ZFHX4: variants seen among roughly 807,000 people sequenced by gnomAD.
The protein encoded by ZFHX4 is zinc finger homeobox protein 4.
A neutral mutation model predicts 267.6 loss-of-function variants in ZFHX4; 56 were observed. The ratio of observed to expected loss-of-function variants is 0.21; its 90% CI spans 0.17 to 0.26. The LOEUF is 0.26. Among genes scored for constraint, ZFHX4 ranks in the 10% least tolerant of loss-of-function variants. The pLI, the probability that ZFHX4 is intolerant of heterozygous loss-of-function variation, is 1.00. For missense variants in ZFHX4, 4,332 were observed against 4,420.0 expected (o/e 0.98, Z 0.56); for synonymous variants, 1,778 against 1,665.6 (o/e 1.07, Z -1.64).
intron 3 of ZFHX4, among the ~76,000 whole-genome samples, chr8:76,775,869 A>T (rs1810386805): frequency 6.6e-6 from 1 of 150,428 alleles, no homozygotes; most frequent in South Asian, 2.1e-4. Flanking sequence ...CAGGGTGAAG[A>T]TGGGTTGGTG....
chr8:76,688,496 G>A (rs958677726), intron 1 of ZFHX4, among the ~76,000 whole-genome samples: 1 of 152,012 alleles, frequency 6.6e-6, no homozygotes, highest in Non-Finnish European at 1.5e-5. Flanking sequence ...ATTTTATTTA[G>A]AGATAAGTCT....
chr8:76,721,335 A>T lies in ZFHX4; in HGVS notation c.3093+13287A>T, dbSNP rs139940063. 8.5e-5 allele frequency among the ~76,000 whole-genome samples: 13 copies of T among 152,304 alleles called. 1 individual carries two copies. Among genetic ancestry groups the T allele is most frequent in the Middle Eastern group, 3.4e-3 (1 of 294 alleles). ...GAATGAAAAAATTGGTACATTTATGACAGCTTAAATCTACTTAAGTATATG... is the reference window on the plus strand; with the variant it reads ...GAATGAAAAAATTGGTACATTTATGTCAGCTTAAATCTACTTAAGTATATG... On this transcript the variant is annotated intron_variant, in intron 3 of 10. Coordinates refer to ENST00000651372, the MANE Select transcript of ZFHX4 (RefSeq NM_024721.5).
At chr8:76,740,459 A>G (rs1452125809) in intron 3 of ZFHX4, among the ~76,000 whole-genome samples, 2 of 152,016 alleles carry the variant, frequency 1.3e-5, no homozygotes. Flanking sequence ...TAACTCATGT[A>G]ACCAAATACA....
chr8:76,771,869 T>C (rs924521614), intron 3 of ZFHX4, among the ~76,000 whole-genome samples: 1 of 152,144 alleles, frequency 6.6e-6, no homozygotes, highest in Non-Finnish European at 1.5e-5. Flanking sequence ...AATTTAGATG[T>C]AGATAGTAGG....
At chr8:76,724,046 T>C (rs986340098) in intron 3 of ZFHX4, among the ~76,000 whole-genome samples, 5 of 152,050 alleles carry the variant, frequency 3.3e-5, no homozygotes, top group Non-Finnish European at 7.4e-5. Context: ...TTTGCAGTCG[T>C]GAAAGGATTA....
At position 76,854,302 on chromosome 8, in the gene ZFHX4, A is replaced by G. The variant is rs1325988720; in HGVS notation, c.7381A>G (p.Arg2461Gly). ...QPPKQPQLIG[R>G]PPSASQTPVP... is the part of the protein sequence containing the mutation. Reference sequence around the variant, plus strand: ...ACCAAAACAACCCCAACTTATCGGAAGACCTCCCTCGGCCTCTCAAACACC... The same window carrying G: ...ACCAAAACAACCCCAACTTATCGGAGGACCTCCCTCGGCCTCTCAAACACC... The change falls in exon 10 of 11, where the codon AGA becomes GGA. Residue 2461 changes from arginine to glycine, a missense_variant. Arg to Gly is a moderately radical substitution (Grantham distance 125). This residue lies in a region of ZFHX4 where 1,648 missense variants were observed against 1,625.0 expected (regional missense o/e 1.01). Coordinates refer to ENST00000651372, the MANE Select transcript of ZFHX4 (RefSeq NM_024721.5). 6.2e-7 allele frequency: 1 copy of G among 1,610,746 alleles called. No homozygotes were observed. The highest frequency in any genetic ancestry group is 2.2e-5 in the East Asian group (1 of 44,700).
chr8:76,851,035 G>A lies in ZFHX4; in HGVS notation c.4114G>A (p.Asp1372Asn), dbSNP rs758151619. Residue 1372 changes from aspartate to asparagine, a missense_variant, in exon 10 of 11, where the codon GAC becomes AAC. Physicochemically the swap from Asp to Asn is conservative, Grantham distance 23. Transcript: ENST00000651372. ...TAGCAGTAAGGATGTGAAAATCCCC[G>A]ACACACTGCAAGATCAATTAAATGA... ...KNSSKDVKIPDTLQDQLNEQQ... is the reference protein window; with the variant it reads ...KNSSKDVKIPNTLQDQLNEQQ... The A allele has an allele frequency of 2.5e-5, 41 of 1,613,778 alleles. No homozygotes were observed. The highest frequency in any genetic ancestry group is 6.7e-5 in the East Asian group (3 of 44,876).
intron 4 of ZFHX4, among the ~76,000 whole-genome samples, chr8:76,804,599 G>A: frequency 6.6e-6 from 1 of 152,002 alleles, no homozygotes; most frequent in East Asian, 1.9e-4. Flanking sequence ...CTTTAAAAAG[G>A]AAATGTGAGT....
rs112761824 is a variant in ZFHX4, at chr8:76,716,007, C to T, written c.3093+7959C>T. On this transcript the variant is annotated intron_variant, in intron 3 of 10. Coordinates refer to ENST00000651372, the MANE Select transcript of ZFHX4 (RefSeq NM_024721.5). The stretch of plus-strand genomic sequence containing the variant: ...TATGATTGAAGAACTATTTGTTCCT[C>T]GATATCTGCTAATAAAATTATTGGA... Among the ~76,000 whole-genome samples the T allele has an allele frequency of 5.4e-3, 821 of 152,138 alleles. 13 individuals carry two copies. The highest frequency in any genetic ancestry group is 0.019 in the African/African-American group (768 of 41,500).
chr8:76,682,280 T>C (rs1286048130), intron 1 of ZFHX4, among the ~76,000 whole-genome samples: 1 of 152,116 alleles, frequency 6.6e-6, no homozygotes, highest in Non-Finnish European at 1.5e-5. Context: ...TTCTTCCTCC[T>C]TTTACCACCC....
chr8:76,719,771 G>A (rs982832885), intron 3 of ZFHX4, among the ~76,000 whole-genome samples: 1 of 152,062 alleles, frequency 6.6e-6, no homozygotes, highest in African/African-American at 2.4e-5. Context: ...TAAACTGACC[G>A]ACTGTCAGAT....
In ZFHX4 at chr8:76,856,315, G is replaced by A. The variant is rs753217592; in HGVS notation, c.9379+15G>A. ...AAATTCAAACAGTAAGTCATTTAAA[G>A]GAGACTCAGTCTAGTTAATTAAGTA... On this transcript the variant is annotated intron_variant, in intron 10 of 10. Coordinates refer to ENST00000651372, the MANE Select transcript of ZFHX4 (RefSeq NM_024721.5). 6.2e-6 allele frequency: 10 copies of A among 1,612,912 alleles called. No individual in the cohort carries two copies. In the African/African-American group the frequency reaches 1.2e-4, roughly 19 times the overall value.
chr8:76,829,456 G>A (rs1811875988), intron 4 of ZFHX4, among the ~76,000 whole-genome samples: 1 of 152,006 alleles, frequency 6.6e-6, no homozygotes, highest in South Asian at 2.1e-4. Flanking sequence ...CTTAGGGGTA[G>A]GTGTGGCAAT....
chr8:76,853,083 T>TCCC lies in ZFHX4; in HGVS notation c.6168_6170dup (p.Pro2061dup), dbSNP rs778531712. 2.6e-5 allele frequency: 8 copies of TCCC among 309,804 alleles called. No homozygotes were observed. Among genetic ancestry groups the TCCC allele is most frequent in the Non-Finnish European group, 2.2e-5 (4 of 178,984 alleles). The allele number at this position is 309,804 out of a possible 1,614,324, so 19.2% of individuals were successfully genotyped here. On this transcript the variant is annotated inframe_insertion, in exon 10 of 11. Transcript: ENST00000651372. ...CACCACCTCCTCCTCCTCCTCCTCCTCCCCCCCCACCTCCTCCACCTTCTG... is the reference window on the plus strand; with the variant it reads ...CACCACCTCCTCCTCCTCCTCCTCCTCCCCCCCCCCCACCTCCTCCACCTTCTG...
Position 76,850,880 on chromosome 8 carries a change from T to C in ZFHX4, c.3965-6T>C. On this transcript the variant is annotated splice_region_variant and splice_polypyrimidine_tract_variant and intron_variant, in intron 9 of 10. Transcript: ENST00000651372. ...TAAGAGAGATGTTTGTGCTTTTTCCTAATAGGTGAAAGTCCAATGGATGAC... is the reference window on the plus strand; with the variant it reads ...TAAGAGAGATGTTTGTGCTTTTTCCCAATAGGTGAAAGTCCAATGGATGAC... The C allele has an allele frequency of 6.3e-7, 1 of 1,577,824 alleles. No homozygotes were observed. The highest frequency in any genetic ancestry group is 8.6e-7 in the Non-Finnish European group (1 of 1,164,924).
chr8:76,843,236 C>CT (rs1435455677), intron 6 of ZFHX4, among the ~76,000 whole-genome samples: 1 of 152,132 alleles, frequency 6.6e-6, no homozygotes, highest in Non-Finnish European at 1.5e-5. Flanking sequence ...GTTTTCCTTG[C>CT]TTTTTTACAA....
chr8:76,853,422 C>T lies in ZFHX4; in HGVS notation c.6501C>T (p.Gly2167=), dbSNP rs774181729. The change falls in exon 10 of 11, where the codon GGC becomes GGT. Residue 2167 remains glycine (G), a synonymous_variant. Transcript: ENST00000651372. ...TCCAGGAAATGGCAGAGAAATCTGG[C>T]CTCTCCCAAAAAGTTATCAAACACT... The part of the protein sequence containing the change: ...EQIQEMAEKS[G]LSQKVIKHWF... 6.8e-6 allele frequency: 11 copies of T among 1,613,676 alleles called. No homozygotes were observed. In the African/African-American group the frequency reaches 1.1e-4, roughly 16 times the overall value.
Position 76,855,086 on chromosome 8 carries a change from A to G in ZFHX4, c.8165A>G (p.Glu2722Gly). 1 of 1,613,908 alleles carries G rather than the reference A, an allele frequency of 6.2e-7. No homozygotes were observed. The highest frequency in any genetic ancestry group is 8.5e-7 in the Non-Finnish European group (1 of 1,179,854). Residue 2722 changes from glutamate to glycine, a missense_variant, in exon 10 of 11, where the codon GAA becomes GGA. Coordinates refer to ENST00000651372, the MANE Select transcript of ZFHX4 (RefSeq NM_024721.5). ...TTAATATCCACCGAAGATGGGGGAG[A>G]AAGCCCACAGAAATACATCTATTTT... ...SPLISTEDGG[E>G]SPQKYIYFDY... is the part of the protein sequence containing the mutation.
chr8:76,853,729 A>G lies in ZFHX4; in HGVS notation c.6808A>G (p.Ile2270Val). The change falls in exon 10 of 11, where the codon ATT (isoleucine) becomes GTT (valine). Residue 2270 changes from isoleucine to valine, a missense_variant. By Grantham distance (29) the Ile-to-Val change is conservative (BLOSUM62 3). Around this residue, in one of 7 missense-constraint regions of ZFHX4, gnomAD observed 62 missense variants for 69.8 expected, o/e 0.89. Transcript: ENST00000651372. ...STVLNLPTRV[I>V]VVWFQNARQK... ...TGTTCTCAATCTGCCTACCCGGGTT[A>G]TTGTTGTATGGTTCCAGAATGCTCG... The G allele has an allele frequency of 5.0e-6, 8 of 1,613,794 alleles. No homozygotes were observed. The highest frequency in any genetic ancestry group is 6.8e-6 in the Non-Finnish European group (8 of 1,179,830).
Sources: allele counts gnomAD v4.1 joint callset (sites outside exome capture counted in the v4.1 genomes callset), GRCh38; gene constraint gnomAD v4.1.1; regional missense constraint gnomAD v4.1.1; transcripts MANE v1.5; gene names NCBI Gene and HGNC (gene_info 2026-07-23, HGNC 2026-07-21).